The following NCOA1 variants were observed in gnomAD, a reference collection of about 807,000 sequenced individuals.
NCOA1 encodes the protein nuclear receptor coactivator 1.
In NCOA1, 35 loss-of-function variants were observed where a neutral mutation model predicts 150.9. The observed-to-expected ratio is 0.23, with a 90% CI of 0.18 to 0.31. The LOEUF (loss-of-function observed/expected upper bound fraction) is 0.31, where lower values mean the gene tolerates loss of function less well. Among genes scored for constraint, NCOA1 ranks in the 10% least tolerant of loss-of-function variants. The pLI, the probability that NCOA1 is intolerant of heterozygous loss-of-function variation, is 1.00. For missense variants in NCOA1, 1,491 were observed against 1,749.3 expected, an observed-to-expected ratio of 0.85 and a Z score of 2.63; for synonymous variants, 590 against 630.0, an observed-to-expected ratio of 0.94 and a Z score of 0.95.
rs554459313 is a variant in NCOA1, at chr2:24,644,118, C to T, written c.-22C>T. 2.6e-5 allele frequency: 4 copies of T among 152,240 alleles called. No homozygotes were observed. In the East Asian group the frequency reaches 5.8e-4, roughly 22 times the overall value. 9.4% of individuals were successfully genotyped at this position (152,240 alleles called of 1,614,324 possible). A position where few individuals can be genotyped will look rare whatever the true frequency, so the allele number is the denominator to read the frequency against. On this transcript the variant is annotated 5_prime_UTR_variant, in exon 4 of 23. Transcript: ENST00000348332. ...GGATTCATTATGAACAAAGAAGTCT[C>T]CCAGGTAGGAATTGTAGTTCTATTT...
chr2:24,594,213 T>C (rs1667789711), intron 3 of NCOA1, among the ~76,000 whole-genome samples: 1 of 152,170 alleles, frequency 6.6e-6, no homozygotes, highest in African/African-American at 2.4e-5. Flanking sequence ...ATGTTTTCCT[T>C]TTGTGAATTC....
At chr2:24,517,724 A>C (rs116436366) in intron 1 of NCOA1, among the ~76,000 whole-genome samples, 2,117 of 152,302 alleles carry the variant, frequency 0.014, 27 homozygotes, top group African/African-American at 0.028. Flanking sequence ...AGTTGTTGCT[A>C]GCTTTTTCAT....
At chr2:24,544,560 A>T (rs1018983989) in intron 1 of NCOA1, among the ~76,000 whole-genome samples, 1 of 152,056 alleles carries the variant, frequency 6.6e-6, no homozygotes, top group African/African-American at 2.4e-5. Flanking sequence ...TGGGCAACAT[A>T]GCAAAACCTC....
At chr2:24,518,318 GA>G (rs1558759999) in intron 1 of NCOA1, among the ~76,000 whole-genome samples, 1 of 151,974 alleles carries the variant, frequency 6.6e-6, no homozygotes, top group Admixed American at 6.6e-5. Context: ...CAGCAAATTA[GA>G]AAAAAGAGGG....
chr2:24,690,651 C>CAAAAAAAAAAAAAAAAAAAAAAAAAAA (rs70947837), intron 8 of NCOA1, among the ~76,000 whole-genome samples: 18 of 38,442 alleles, frequency 4.7e-4, no homozygotes, highest in East Asian at 9.9e-4. Context: ...GATTCCATCT[C>CAAAAAAAAAAAAAAAAAAAAAAAAAAA]AAAAAAAAAA....
chr2:24,597,758 T>C (rs899110102), intron 3 of NCOA1, among the ~76,000 whole-genome samples: 1 of 152,212 alleles, frequency 6.6e-6, no homozygotes, highest in African/African-American at 2.4e-5. Flanking sequence ...ACTCACAGTT[T>C]ACTGATTTAA....
At position 24,706,733 on chromosome 2, in the gene NCOA1, G is replaced by T; in HGVS notation, c.1263G>T (p.Gln421His). Reference protein sequence around the residue: ...SNMVSTRINRQQSSDLHSSSH... With the variant: ...SNMVSTRINRHQSSDLHSSSH... ...TGGTATCCACCAGAATAAACCGCCA[G>T]CAGAGCTCAGACCTTCATAGCAGCA... The change falls in exon 13 of 23, where the codon CAG becomes CAT. Residue 421 changes from glutamine (Q) to histidine (H), a missense_variant. This residue lies in a region of NCOA1 where 703 missense variants were observed against 717.7 expected (regional missense o/e 0.98). Transcript: ENST00000348332. 1 of 1,614,166 alleles carries T rather than the reference G, an allele frequency of 6.2e-7. No homozygotes were observed. Among genetic ancestry groups the T allele is most frequent in the African/African-American group, 1.3e-5 (1 of 75,038 alleles).
At chr2:24,509,816 TTAAAAG>T (rs1234865400) in intron 1 of NCOA1, among the ~76,000 whole-genome samples, 1 of 152,194 alleles carries the variant, frequency 6.6e-6, no homozygotes, top group Non-Finnish European at 1.5e-5. Flanking sequence ...CAAATATTTG[TTAAAAG>T]TAGGAGAAAT....
At chr2:24,622,602 G>T (rs1168335007) in intron 3 of NCOA1, among the ~76,000 whole-genome samples, 1 of 152,128 alleles carries the variant, frequency 6.6e-6, no homozygotes, top group Non-Finnish European at 1.5e-5. Context: ...ATAAGACATT[G>T]TATATTTCCC....
intron 1 of NCOA1, among the ~76,000 whole-genome samples, chr2:24,526,906 G>A (rs1664677633): frequency 6.6e-6 from 1 of 152,050 alleles, no homozygotes; most frequent in Non-Finnish European, 1.5e-5. Flanking sequence ...AAAATACAGT[G>A]TAACAACTAT....
chr2:24,542,988 G>A lies in NCOA1; in HGVS notation c.-395-21307G>A, dbSNP rs74792975. Among the ~76,000 whole-genome samples the A allele has an allele frequency of 8.6e-3, 1,311 of 152,270 alleles. 8 individuals are homozygous for A. Among genetic ancestry groups the A allele is most frequent in the Non-Finnish European group, 0.013 (853 of 67,998 alleles). On this transcript the variant is annotated intron_variant, in intron 1 of 22. Transcript: ENST00000348332. ...AGTATTTAAGCATTTGTTGTGCTGG[G>A]CAGAGAGCTAGTCTCTGAGGATACA...
chr2:24,599,951 G>T (rs1464348376), intron 3 of NCOA1, among the ~76,000 whole-genome samples: 1 of 151,838 alleles, frequency 6.6e-6, no homozygotes, highest in Non-Finnish European at 1.5e-5. Flanking sequence ...GGTTGGTCTC[G>T]AACTCCTGAC....
chr2:24,682,443 A>G (rs1469742002), intron 7 of NCOA1, among the ~76,000 whole-genome samples: 3 of 152,164 alleles, frequency 2.0e-5, no homozygotes, highest in Non-Finnish European at 4.4e-5. Context: ...TGTGGATATT[A>G]TATGCCCCGT....
Position 24,769,864 on chromosome 2 carries a change from T to C in NCOA1, c.*1473T>C, listed in dbSNP as rs1347250822. 7 of 223,822 alleles carry C rather than the reference T, an allele frequency of 3.1e-5. No individual in the cohort carries two copies. The highest frequency in any genetic ancestry group is 5.8e-5 in the Admixed American group (1 of 17,386). 13.9% of individuals were successfully genotyped at this position (223,822 alleles called of 1,614,324 possible). ...CATCACTCACCTTTGTCTGCATCCC[T>C]GGGCCTGTGAATGATGACAGCACCT... is the stretch of plus-strand genomic sequence containing the variant. On this transcript the variant is annotated 3_prime_UTR_variant, in exon 23 of 23. Coordinates refer to ENST00000348332, the MANE Select transcript of NCOA1 (RefSeq NM_003743.5).
At chr2:24,747,991 A>C (rs964700023) in intron 19 of NCOA1, among the ~76,000 whole-genome samples, 12 of 152,304 alleles carry the variant, frequency 7.9e-5, no homozygotes, top group African/African-American at 2.6e-4. Context: ...CTGTAATCCC[A>C]GCTACTCAGG....
At chr2:24,700,098 G>T (rs961417173) in intron 11 of NCOA1, among the ~76,000 whole-genome samples, 1 of 151,292 alleles carries the variant, frequency 6.6e-6, no homozygotes, top group Non-Finnish European at 1.5e-5. Flanking sequence ...AGCCAAGGTC[G>T]CACCATTGCA....
intron 22 of NCOA1, 72 bp downstream of exon 22, chr2:24,762,848 A>T: frequency 7.4e-7 from 1 of 1,358,672 alleles, no homozygotes; most frequent in East Asian, 2.3e-5. Context: ...GTGTAGCATC[A>T]TTAAGAGCCT....
intron 1 of NCOA1, among the ~76,000 whole-genome samples, chr2:24,528,828 T>A (rs185287710): frequency 4.6e-5 from 7 of 152,376 alleles, no homozygotes; most frequent in Non-Finnish European, 1.0e-4. Context: ...CCATTTTAAA[T>A]TTTCATTTAT....
At chr2:24,693,834 C>T (rs1020668502) in intron 10 of NCOA1, among the ~76,000 whole-genome samples, 49 of 151,312 alleles carry the variant, frequency 3.2e-4, no homozygotes, top group African/African-American at 1.2e-3. Flanking sequence ...TATGGTTGAA[C>T]AAAAATGATT....
Sources: allele counts gnomAD v4.1 joint callset (sites outside exome capture counted in the v4.1 genomes callset), GRCh38; gene constraint gnomAD v4.1.1; regional missense constraint gnomAD v4.1.1; transcripts MANE v1.5; gene names NCBI Gene and HGNC (gene_info 2026-07-23, HGNC 2026-07-21).